Variants in DRICH1 observed in about 807,000 individuals in gnomAD.
The protein encoded by DRICH1 is aspartate-rich protein 1.
In DRICH1, 38 loss-of-function variants were observed where a neutral mutation model predicts 39.5. That is an observed-to-expected ratio of 0.96 (90% CI 0.74 to 1.26). The LOEUF is 1.26. Ranked by LOEUF, DRICH1 falls within the 50% of genes most tolerant of loss-of-function variation. DRICH1 has a pLI of 0.00. For missense variants in DRICH1, 279 were observed against 270.4 expected (o/e 1.03, Z -0.22); for synonymous variants, 84 against 99.5 (o/e 0.84, Z 0.93).
At chr22:23,624,833 A>T (rs760406155) in intron 3 of DRICH1, 50 bp downstream of exon 3, 4 of 1,592,184 alleles carry the variant, frequency 2.5e-6, no homozygotes, top group Non-Finnish European at 3.4e-6. Context: ...TCTATATATT[A>T]AAGCTAGCAA....
chr22:23,588,519 C>G, the DRICH1 span, among the ~76,000 whole-genome samples: 1 of 152,246 alleles, frequency 6.6e-6, no homozygotes, highest in Non-Finnish European at 1.5e-5. Flanking sequence ...TTCCTTCTTG[C>G]AGGTCACACC....
chr22:23,623,929 A>C, intron 3 of DRICH1: 1 of 976,836 alleles, frequency 1.0e-6, no homozygotes, highest in Non-Finnish European at 1.2e-6. Context: ...GTAAAACTGC[A>C]TATTCTCAAC....
At chr22:23,614,839 G>C (rs1927258982) in intron 8 of DRICH1, among the ~76,000 whole-genome samples, 2 of 151,598 alleles carry the variant, frequency 1.3e-5, no homozygotes, top group Non-Finnish European at 2.9e-5. Flanking sequence ...CACTCTCCCT[G>C]AGGAGATTCC....
intron 4 of DRICH1, 123 bp from the exon 5 acceptor site, chr22:23,620,738 T>A: frequency 8.9e-7 from 1 of 1,117,786 alleles, no homozygotes; most frequent in South Asian, 1.3e-5. Flanking sequence ...TGAGTCAAGG[T>A]CAAAGGCCAA....
At chr22:23,600,624 T>A in the DRICH1 span, among the ~76,000 whole-genome samples, 464 of 117,258 alleles carry the variant, frequency 4.0e-3, 7 homozygotes, top group African/African-American at 0.014. Context: ...CCCTACCCTA[T>A]GTCCCCACCC....
chr22:23,614,832 T>C (rs1052259086), intron 8 of DRICH1, among the ~76,000 whole-genome samples: 3 of 152,192 alleles, frequency 2.0e-5, no homozygotes, highest in Non-Finnish European at 2.9e-5. Context: ...CCTGTGTCAC[T>C]CTCCCTGAGG....
chr22:23,631,705 G>A (rs1479200035), intron 1 of DRICH1, 111 bp downstream of exon 1: 2 of 900,874 alleles, frequency 2.2e-6, no homozygotes, highest in South Asian at 1.5e-5. Context: ...AGCTGGCTAT[G>A]GACAGGAGGG....
rs192969975 is a variant in DRICH1 at position 23,627,044 on chromosome 22, G to A, written c.209-996C>T. Among the ~76,000 whole-genome samples the A allele has an allele frequency of 9.7e-4, 147 of 151,764 alleles. 1 individual carries two copies. Among genetic ancestry groups the A allele is most frequent in the African/African-American group, 3.2e-3 (132 of 41,282 alleles). On this transcript the variant is annotated intron_variant, in intron 1 of 11. Transcript: ENST00000317749. ...ACATAAGGCTGATGGGCCATTGCAC[G>A]GTGGCTGTTGTGATGAGGTTCTGAT...
chr22:23,619,247 C>T (rs531932367), intron 6 of DRICH1, 117 bp downstream of exon 6: 6 of 618,344 alleles, frequency 9.7e-6, no homozygotes, highest in South Asian at 9.3e-5. Flanking sequence ...CAGCTGTCAA[C>T]ATAAAGTTTC....
At chr22:23,601,234 TTCATAA>T in the DRICH1 span, among the ~76,000 whole-genome samples, 2 of 151,880 alleles carry the variant, frequency 1.3e-5, no homozygotes, top group African/African-American at 4.8e-5. Flanking sequence ...TGGTGATACC[TTCATAA>T]ATGGAATCAT....
At chr22:23,604,260 G>A (rs1926616536), downstream of DRICH1, among the ~76,000 whole-genome samples, 1 of 152,022 alleles carries the variant, frequency 6.6e-6, no homozygotes, top group South Asian at 2.1e-4. Flanking sequence ...TTGGCCCCAG[G>A]ACTCACTTGG....
At chr22:23,587,484 G>A in the DRICH1 span, among the ~76,000 whole-genome samples, 112 of 152,326 alleles carry the variant, frequency 7.4e-4, no homozygotes, top group African/African-American at 2.4e-3. Context: ...TCCAGGCAGA[G>A]GGACCCATCC....
chr22:23,587,447 G>T, the DRICH1 span, among the ~76,000 whole-genome samples: 42,987 of 151,984 alleles, frequency 0.28, 6,400 homozygotes, highest in Middle Eastern at 0.37. Context: ...ACCAAAATTC[G>T]AAGGGAGAGA....
chr22:23,613,224 G>A (rs997680537), intron 11 of DRICH1, 65 bp downstream of exon 11: 9 of 1,228,768 alleles, frequency 7.3e-6, no homozygotes, highest in Non-Finnish European at 1.1e-5. Flanking sequence ...ACAAGCAACA[G>A]GGATAACCTG....
At chr22:23,630,291 A>C (rs1928314878) in intron 1 of DRICH1, among the ~76,000 whole-genome samples, 1 of 152,194 alleles carries the variant, frequency 6.6e-6, no homozygotes. Flanking sequence ...GTGGGGTCAT[A>C]TATCACGGTG....
downstream of DRICH1, among the ~76,000 whole-genome samples, chr22:23,603,814 C>T (rs1394474453): frequency 6.6e-6 from 1 of 152,198 alleles, no homozygotes; most frequent in African/African-American, 2.4e-5. Context: ...GTCCCCCAGC[C>T]TGGCCCCTAG....
chr22:23,610,417 C>T (rs1218524102), intron 11 of DRICH1: 1 of 152,264 alleles, frequency 6.6e-6, no homozygotes, highest in Non-Finnish European at 1.5e-5. Context: ...AACTGGACCG[C>T]TAAGCTGCAG....
intron 9 of DRICH1, 123 bp downstream of exon 9, chr22:23,614,012 C>T (rs771432996): frequency 2.9e-6 from 2 of 698,154 alleles, no homozygotes; most frequent in Non-Finnish European, 4.9e-6. Flanking sequence ...TCCAGCCCCA[C>T]AAAGAGAATA....
At chr22:23,613,212 T>C in intron 11 of DRICH1, 77 bp downstream of exon 11, 1 of 1,094,950 alleles carries the variant, frequency 9.1e-7, no homozygotes, top group Non-Finnish European at 1.4e-6. Flanking sequence ...CAGCCCCTCC[T>C]CACAAGCAAC....
Sources: gnomAD v4.1 joint callset for allele counts (sites outside exome capture counted in the v4.1 genomes callset) on GRCh38, gnomAD v4.1.1 for gene constraint, MANE v1.5 for transcripts, NCBI Gene and HGNC (gene_info 2026-07-23, HGNC 2026-07-21) for gene names.